The following ZNF624 variants were observed in gnomAD, a reference collection of about 807,000 sequenced individuals.
The protein encoded by ZNF624 is zinc finger protein 624.
Under a neutral mutation model 74.7 loss-of-function variants are expected in ZNF624, and 43 were observed. The observed-to-expected ratio is 0.58, with a 90% CI of 0.45 to 0.74. The LOEUF (loss-of-function observed/expected upper bound fraction) is 0.74. ZNF624 is among the 30% of genes least tolerant of loss of function. ZNF624 has a pLI of 0.00. For missense variants in ZNF624, 820 were observed against 1,030.0 expected, an observed-to-expected ratio of 0.80 and a Z score of 2.79; for synonymous variants, 331 against 341.3, an observed-to-expected ratio of 0.97 and a Z score of 0.33.
At chr17:16,640,082 A>G (rs1909431273) in intron 3 of ZNF624, among the ~76,000 whole-genome samples, 1 of 106,740 alleles carries the variant, frequency 9.4e-6, no homozygotes, top group Non-Finnish European at 1.8e-5. Flanking sequence ...TGTGAGAATG[A>G]TATTTCACTA....
At chr17:16,645,032 T>C (rs555477712) in intron 3 of ZNF624, among the ~76,000 whole-genome samples, 1 of 152,368 alleles carries the variant, frequency 6.6e-6, no homozygotes, top group Admixed American at 6.5e-5. Flanking sequence ...TCCAGATCCA[T>C]TATGCAGTCT....
At chr17:16,638,859 T>C (rs1353886477) in intron 3 of ZNF624, among the ~76,000 whole-genome samples, 1 of 152,024 alleles carries the variant, frequency 6.6e-6, no homozygotes, top group Non-Finnish European at 1.5e-5. Flanking sequence ...AGTATAACAA[T>C]AATAAAATAA....
intron 3 of ZNF624, among the ~76,000 whole-genome samples, chr17:16,644,750 G>A (rs778653604): frequency 2.0e-5 from 3 of 152,138 alleles, no homozygotes; most frequent in African/African-American, 7.2e-5. Flanking sequence ...ACAAGTTAAC[G>A]GCAAACAATA....
intron 5 of ZNF624, among the ~76,000 whole-genome samples, chr17:16,630,953 T>G (rs1909193041): frequency 1.4e-5 from 2 of 145,604 alleles, no homozygotes. Flanking sequence ...ATTAACAAAC[T>G]TAATCTCCTG....
intron 1 of ZNF624, among the ~76,000 whole-genome samples, chr17:16,652,769 T>C (rs76501122): frequency 0.024 from 3,650 of 152,286 alleles, 139 homozygotes; most frequent in African/African-American, 0.083. Flanking sequence ...TACCTATACA[T>C]AGGAGTGTGG....
intron 3 of ZNF624, among the ~76,000 whole-genome samples, chr17:16,638,583 A>C (rs953896972): frequency 3.9e-5 from 6 of 152,176 alleles, no homozygotes; most frequent in African/African-American, 1.4e-4. Flanking sequence ...GAAACTGGAA[A>C]CCATCATTCT....
intron 3 of ZNF624, among the ~76,000 whole-genome samples, chr17:16,635,031 A>G (rs1391451850): frequency 6.6e-6 from 1 of 152,190 alleles, no homozygotes; most frequent in Non-Finnish European, 1.5e-5. Context: ...TATTGGCTCC[A>G]CTATATTATC....
intron 5 of ZNF624, among the ~76,000 whole-genome samples, chr17:16,632,251 A>C (rs1211822821): frequency 6.6e-6 from 1 of 152,152 alleles, no homozygotes; most frequent in Non-Finnish European, 1.5e-5. Context: ...TACCTATTCA[A>C]GGTAAATCCC....
intron 3 of ZNF624, among the ~76,000 whole-genome samples, chr17:16,641,277 T>TTC (rs934197341): frequency 6.6e-6 from 1 of 151,652 alleles, no homozygotes; most frequent in African/African-American, 2.4e-5. Context: ...TTTTCTTTCT[T>TTC]TCTCTCTCTC....
At chr17:16,628,215 A>G (rs1021569143) in intron 5 of ZNF624, among the ~76,000 whole-genome samples, 1 of 152,102 alleles carries the variant, frequency 6.6e-6, no homozygotes, top group African/African-American at 2.4e-5. Flanking sequence ...GTGAACTGAG[A>G]TTGCGCCACT....
At chr17:16,628,133 C>T (rs1309973403) in intron 5 of ZNF624, among the ~76,000 whole-genome samples, 4 of 152,012 alleles carry the variant, frequency 2.6e-5, no homozygotes, top group African/African-American at 7.2e-5. Context: ...CATGGTGGTG[C>T]ATGCCTGTAG....
In ZNF624 at chr17:16,622,201, C is replaced by G; in HGVS notation, c.*87G>C. On this transcript the variant is annotated 3_prime_UTR_variant, in exon 6 of 6. Coordinates refer to ENST00000311331, the MANE Select transcript of ZNF624 (RefSeq NM_020787.4). Reference sequence around the variant, plus strand: ...TCTCTGTATACTTTCTGATAAATTCCTAATGAAGATTTTCCTATATTCATA... The same window carrying G: ...TCTCTGTATACTTTCTGATAAATTCGTAATGAAGATTTTCCTATATTCATA... 9.8e-7 allele frequency: 1 copy of G among 1,024,844 alleles called. No individual in the cohort carries two copies. Among genetic ancestry groups the G allele is most frequent in the African/African-American group, 1.6e-5 (1 of 62,092 alleles). 63.5% of individuals were successfully genotyped at this position (1,024,844 alleles called of 1,614,324 possible). A position where few individuals can be genotyped will look rare whatever the true frequency, so the allele number is the denominator to read the frequency against.
chr17:16,616,183 G>A (rs1908790117), downstream of ZNF624, among the ~76,000 whole-genome samples: 1 of 150,420 alleles, frequency 6.6e-6, no homozygotes, highest in Non-Finnish European at 1.5e-5. Context: ...ACTTGTTAAA[G>A]GGGCAGATAA....
At position 16,621,587 on chromosome 17, in the gene ZNF624, G is replaced by A. The variant is rs1467190539; in HGVS notation, c.*701C>T. 6.6e-6 allele frequency: 1 copy of A among 152,206 alleles called. No individual in the cohort carries two copies. The highest frequency in any genetic ancestry group is 1.5e-5 in the Non-Finnish European group (1 of 68,030). The allele number at this position is 152,206 out of a possible 1,614,324, so 9.4% of individuals were successfully genotyped here. On this transcript the variant is annotated 3_prime_UTR_variant, in exon 6 of 6. Coordinates refer to ENST00000311331, the MANE Select transcript of ZNF624 (RefSeq NM_020787.4). ...TTTTTGCCAGATCCATGAAGGGGAA[G>A]TTTCATCTCACTGAGCATTTCAATT...
chr17:16,641,225 T>C (rs955997135), intron 3 of ZNF624, among the ~76,000 whole-genome samples: 1 of 152,226 alleles, frequency 6.6e-6, no homozygotes, highest in African/African-American at 2.4e-5. Context: ...AATGCATTCT[T>C]CCTGAGATCA....
In ZNF624 at chr17:16,623,792, C is replaced by T; in HGVS notation, c.1094G>A (p.Cys365Tyr). The T allele has an allele frequency of 1.2e-6, 2 of 1,614,030 alleles. No individual in the cohort carries two copies. Among genetic ancestry groups the T allele is most frequent in the Non-Finnish European group, 1.7e-6 (2 of 1,180,004 alleles). Reference sequence around the variant, plus strand: ...GGCACACTGGCTAAAAGATTTCCCACACACATTACACTGATAAGGTTTCTC... The same window carrying T: ...GGCACACTGGCTAAAAGATTTCCCATACACATTACACTGATAAGGTTTCTC... The part of the protein sequence containing the change: ...TKEKPYQCNV[C>Y]GKSFSQCARL... Residue 365 changes from cysteine to tyrosine, a missense_variant, in exon 6 of 6, where the codon TGT becomes TAT. Transcript: ENST00000311331. The surrounding 1 kb of genome is among the most constrained non-coding windows in gnomAD (Gnocchi z 5.3).
At chr17:16,628,628 G>C (rs769640848) in intron 5 of ZNF624, among the ~76,000 whole-genome samples, 1 of 152,054 alleles carries the variant, frequency 6.6e-6, no homozygotes, top group Non-Finnish European at 1.5e-5. Flanking sequence ...ACTTGCAAAC[G>C]TTAGAAAAGC....
chr17:16,651,576 A>T (rs908883736), intron 1 of ZNF624, among the ~76,000 whole-genome samples: 3 of 152,156 alleles, frequency 2.0e-5, no homozygotes, highest in African/African-American at 7.2e-5. Flanking sequence ...GTGGAGATAA[A>T]AGAGGTAAAG....
At chr17:16,638,605 C>T (rs557873416) in intron 3 of ZNF624, among the ~76,000 whole-genome samples, 2 of 152,070 alleles carry the variant, frequency 1.3e-5, no homozygotes, top group African/African-American at 4.8e-5. Flanking sequence ...AGCAAACTAT[C>T]GCAAGGACAA....
Sources: gnomAD v4.1 joint callset for allele counts (sites outside exome capture counted in the v4.1 genomes callset) on GRCh38, gnomAD v4.1.1 for gene constraint, Gnocchi (gnomAD v3.1) non-coding constraint, MANE v1.5 for transcripts, NCBI Gene and HGNC (gene_info 2026-07-23, HGNC 2026-07-21) for gene names.